The following ZNF516 variants were observed in gnomAD, a reference collection of about 807,000 sequenced individuals.
ZNF516 encodes the protein zinc finger protein 516.
A neutral mutation model predicts 79.7 loss-of-function variants in ZNF516; 19 were observed. The ratio of observed to expected loss-of-function variants is 0.24; its 90% CI spans 0.17 to 0.35. The LOEUF (loss-of-function observed/expected upper bound fraction) is 0.35. Among genes scored for constraint, ZNF516 ranks in the 10% least tolerant of loss-of-function variants. The probability of loss-of-function intolerance (pLI) is 1.00; values close to 1 mark genes in which losing one functional copy is unlikely to be tolerated. For missense variants in ZNF516, 1,678 were observed against 1,679.5 expected, an observed-to-expected ratio of 1.00 and a Z score of 0.02; for synonymous variants, 877 against 739.5, an observed-to-expected ratio of 1.19 and a Z score of -3.02.
Position 76,379,336 on chromosome 18 carries a change from G to A in ZNF516, c.2778C>T (p.Ser926=), listed in dbSNP as rs574723333. The A allele has an allele frequency of 3.8e-6, 6 of 1,594,722 alleles. No homozygotes were observed. Among genetic ancestry groups the A allele is most frequent in the Non-Finnish European group, 5.1e-6 (6 of 1,170,018 alleles). ...CGGTGGGCGTAGGGGTGGCGCTCCT[G>A]CTGAAGCCCCCGCCACCCGGGGCAG... ...PVPAPGGGGF[S]RSATPTPTVI... is the part of the protein sequence containing the mutation. Residue 926 remains serine (S), a synonymous_variant, in exon 4 of 7, where the codon AGC becomes AGT. Coordinates refer to ENST00000443185, the MANE Select transcript of ZNF516 (RefSeq NM_014643.4).
At chr18:76,385,919 T>C (rs62110871) in intron 3 of ZNF516, 46,489 of 152,236 alleles carry the variant, frequency 0.31, 9,306 homozygotes, top group Non-Finnish European at 0.46. Flanking sequence ...TCCGGCCAGT[T>C]TCCTGAGCTG....
At chr18:76,385,106 C>T (rs1180520150) in intron 3 of ZNF516, among the ~76,000 whole-genome samples, 1 of 152,222 alleles carries the variant, frequency 6.6e-6, no homozygotes, top group African/African-American at 2.4e-5. Flanking sequence ...ACGTCGCTCC[C>T]AACCCCACGA....
At chr18:76,403,202 G>A (rs2075254298) in intron 3 of ZNF516, among the ~76,000 whole-genome samples, 1 of 152,204 alleles carries the variant, frequency 6.6e-6, no homozygotes, top group Non-Finnish European at 1.5e-5. Context: ...CCACCTGGAA[G>A]TCCATACAAC....
intron 3 of ZNF516, among the ~76,000 whole-genome samples, chr18:76,397,691 A>G (rs2049588137): frequency 6.6e-6 from 1 of 152,142 alleles, no homozygotes. Flanking sequence ...TCAACCTCCC[A>G]GGTTCAAGCC....
At chr18:76,486,072 T>C (rs529618682) in intron 1 of ZNF516, among the ~76,000 whole-genome samples, 1 of 152,310 alleles carries the variant, frequency 6.6e-6, no homozygotes, top group Non-Finnish European at 1.5e-5. Context: ...AGTCTGTGTT[T>C]TCCTGAATTA....
At chr18:76,486,584 C>T (rs577967323) in intron 1 of ZNF516, among the ~76,000 whole-genome samples, 1 of 151,932 alleles carries the variant, frequency 6.6e-6, no homozygotes, top group African/African-American at 2.4e-5. Flanking sequence ...ACACCATCTC[C>T]TAAAAAAGCA....
chr18:76,431,614 G>A (rs2075662166), intron 3 of ZNF516, among the ~76,000 whole-genome samples: 1 of 152,218 alleles, frequency 6.6e-6, no homozygotes, highest in Admixed American at 6.5e-5. Context: ...GAATGGCTTG[G>A]TGCTCATTGC....
At position 76,378,961 on chromosome 18, in the gene ZNF516, A is replaced by G; in HGVS notation, c.3153T>C (p.His1051=). ...SIKQEPVAEG[H]EKRLDILNIF... is the part of the protein sequence containing the mutation. ...TGTTGAGGATGTCCAGGCGCTTCTC[A>G]TGCCCCTCGGCCACCGGCTCCTGTT... The change falls in exon 4 of 7, where the codon CAT becomes CAC. Residue 1051 remains histidine, a synonymous_variant. Transcript: ENST00000443185. 1 of 1,613,646 alleles carries G rather than the reference A, an allele frequency of 6.2e-7. No individual in the cohort carries two copies. The highest frequency in any genetic ancestry group is 8.5e-7 in the Non-Finnish European group (1 of 1,179,772).
intron 3 of ZNF516, among the ~76,000 whole-genome samples, chr18:76,390,052 T>C (rs1314069657): frequency 1.3e-5 from 2 of 152,138 alleles, no homozygotes; most frequent in Non-Finnish European, 2.9e-5. Context: ...ACAAATGCAA[T>C]ACCAAGCACA....
intron 1 of ZNF516, among the ~76,000 whole-genome samples, chr18:76,482,599 T>C (rs1298405896): frequency 6.6e-6 from 1 of 152,240 alleles, no homozygotes; most frequent in African/African-American, 2.4e-5. Flanking sequence ...TTCAGTAGAC[T>C]GAAGGGTATT....
In ZNF516 at chr18:76,359,151, T is replaced by A. The variant is rs919837313; in HGVS notation, c.*3347A>T. ...GCGCTCCTTTCTCTGACGAAGTAAC[T>A]GTATGCAACTCCCAATTGCTACTTC... On this transcript the variant is annotated 3_prime_UTR_variant, in exon 7 of 7. Transcript: ENST00000443185. The A allele has an allele frequency of 1.3e-5, 2 of 152,250 alleles. No individual in the cohort carries two copies. The highest frequency in any genetic ancestry group is 4.8e-5 in the African/African-American group (2 of 41,458). 9.4% of individuals were successfully genotyped at this position (152,250 alleles called of 1,614,324 possible). A position where few individuals can be genotyped will look rare whatever the true frequency, so the allele number is the denominator to read the frequency against.
chr18:76,436,257 G>GTTT (rs1485056113), intron 3 of ZNF516, among the ~76,000 whole-genome samples: 1 of 152,122 alleles, frequency 6.6e-6, no homozygotes, highest in Non-Finnish European at 1.5e-5. Flanking sequence ...CACAGCTCCA[G>GTTT]GCCATGGAGT....
At position 76,449,361 on chromosome 18, in the gene ZNF516, A is replaced by G. The variant is rs535387965; in HGVS notation, c.-157-6150T>C. Among the ~76,000 whole-genome samples the G allele has an allele frequency of 9.2e-4, 140 of 152,314 alleles. 1 individual carries two copies. Among genetic ancestry groups the G allele is most frequent in the Non-Finnish European group, 7.3e-5 (5 of 68,032 alleles). On this transcript the variant is annotated intron_variant, in intron 2 of 6. Coordinates refer to ENST00000443185, the MANE Select transcript of ZNF516 (RefSeq NM_014643.4). ...ATGCTCATGCTCTCCTCTGGCCCTC[A>G]GGCCTGCGTCCCTGCCCCACCTGTC...
intron 3 of ZNF516, among the ~76,000 whole-genome samples, chr18:76,390,636 A>T (rs2075057342): frequency 6.6e-6 from 1 of 152,196 alleles, no homozygotes; most frequent in Non-Finnish European, 1.5e-5. Context: ...CGAGGAAACG[A>T]GGGGCACAGA....
At chr18:76,495,594 A>C, upstream of ZNF516, 1 of 366,060 alleles carries the variant, frequency 2.7e-6, no homozygotes, top group Non-Finnish European at 4.7e-6. Flanking sequence ...GCACTGAATC[A>C]CGGTTCCAGC....
chr18:76,388,139 T>TCC (rs2075020075), intron 3 of ZNF516: 1 of 152,004 alleles, frequency 6.6e-6, no homozygotes, highest in African/African-American at 2.4e-5. Context: ...TCCTCATGCA[T>TCC]CCCCCTGAGA....
rs1004815397 is a variant in ZNF516 at position 76,467,399 on chromosome 18, G to A, written c.-271-4258C>T. On this transcript the variant is annotated intron_variant, in intron 1 of 6. Coordinates refer to ENST00000443185, the MANE Select transcript of ZNF516 (RefSeq NM_014643.4). This position sits in a 1 kb window ranked among gnomAD's most constrained non-coding sequence, Gnocchi z 4.2. ...CCTCTGGGCTGGCAGGAAGTCCTGCGTGTCTCTTGTCCCAGAGAGGAAATG... is the reference window on the plus strand; with the variant it reads ...CCTCTGGGCTGGCAGGAAGTCCTGCATGTCTCTTGTCCCAGAGAGGAAATG... 7.2e-5 allele frequency among the ~76,000 whole-genome samples: 11 copies of A among 152,072 alleles called. No homozygotes were observed. The highest frequency in any genetic ancestry group is 2.7e-4 in the African/African-American group (11 of 41,396).
chr18:76,402,158 TC>T (rs2075239149), intron 3 of ZNF516, among the ~76,000 whole-genome samples: 1 of 152,098 alleles, frequency 6.6e-6, no homozygotes, highest in South Asian at 2.1e-4. Context: ...ATCGCCTCGG[TC>T]AACACCAATG....
chr18:76,426,846 C>A (rs1322846421), intron 3 of ZNF516, among the ~76,000 whole-genome samples: 1 of 152,226 alleles, frequency 6.6e-6, no homozygotes, highest in Non-Finnish European at 1.5e-5. Flanking sequence ...CCTCCAGGGC[C>A]TCAGTGGCCC....
Sources: allele counts gnomAD v4.1 joint callset (sites outside exome capture counted in the v4.1 genomes callset), GRCh38; gene constraint gnomAD v4.1.1; non-coding constraint Gnocchi (gnomAD v3.1); transcripts MANE v1.5; gene names NCBI Gene and HGNC (gene_info 2026-07-23, HGNC 2026-07-21).